NDUFB8: variants seen among roughly 807,000 people sequenced by gnomAD.
NDUFB8 encodes NADH:ubiquinone oxidoreductase subunit B8.
Under a neutral mutation model 26.0 loss-of-function variants are expected in NDUFB8, and 17 were observed. That is an observed-to-expected ratio of 0.65 (90% CI 0.45 to 0.98). The LOEUF is 0.98. NDUFB8 is among the 50% of genes least tolerant of loss of function. The probability of loss-of-function intolerance (pLI) is 0.00; values close to 1 mark genes in which losing one functional copy is unlikely to be tolerated. For synonymous variants in NDUFB8, 89 were observed against 93.1 expected, an observed-to-expected ratio of 0.96 and a Z score of 0.25; for missense variants, 238 against 255.0, an observed-to-expected ratio of 0.93 and a Z score of 0.45.
Position 100,523,800 on chromosome 10 carries a change from G to A in NDUFB8, c.*37C>T. 3 of 1,548,280 alleles carry A rather than the reference G, an allele frequency of 1.9e-6. No homozygotes were observed. The highest frequency in any genetic ancestry group is 2.7e-6 in the Non-Finnish European group (3 of 1,121,314). On this transcript the variant is annotated 3_prime_UTR_variant, in exon 5 of 5. Coordinates refer to ENST00000299166, the MANE Select transcript of NDUFB8 (RefSeq NM_005004.4). ...AGGTTAAATTTCTAGGAATGAGGGA[G>A]TCCTAGTTAGAGGACCCAAAAGCCC...
At position 100,526,478 on chromosome 10, in the gene NDUFB8, C is replaced by T. The variant is rs1257131806; in HGVS notation, c.389G>A (p.Cys130Tyr). Residue 130 changes from cysteine (C) to tyrosine (Y), a missense_variant, in exon 4 of 5, where the codon TGT (cysteine) becomes TAT (tyrosine). Cys to Tyr is a radical substitution (Grantham distance 194, BLOSUM62 -2). Coordinates refer to ENST00000299166, the MANE Select transcript of NDUFB8 (RefSeq NM_005004.4). ...SPTPVSWHVM[C>Y]MQLFGFLAFM... The stretch of plus-strand genomic sequence containing the variant: ...AGCCAGGAAACCGAAGAGCTGCATA[C>T]ACATGACATGCCAAGAAACAGGTGT... 3 of 1,613,064 alleles carry T rather than the reference C, an allele frequency of 1.9e-6. No homozygotes were observed. The highest frequency in any genetic ancestry group is 1.7e-5 in the Admixed American group (1 of 59,654).
At chr10:100,526,136 G>T in intron 4 of NDUFB8, 1 of 342,660 alleles carries the variant, frequency 2.9e-6, no homozygotes, top group East Asian at 5.3e-5. Flanking sequence ...TGGCAACTCT[G>T]GTGACTAGCT....
intron 3 of NDUFB8, 76 bp downstream of exon 3, chr10:100,526,899 G>T: frequency 7.2e-7 from 1 of 1,395,972 alleles, no homozygotes; most frequent in Non-Finnish European, 1.0e-6. Flanking sequence ...CTTGGTCAAA[G>T]AAGTGCCATC....
At position 100,523,913 on chromosome 10, in the gene NDUFB8, G is replaced by A. The variant is rs767181095; in HGVS notation, c.485C>T (p.Pro162Leu). 20 of 1,613,990 alleles carry A rather than the reference G, an allele frequency of 1.2e-5. No homozygotes were observed. The highest frequency in any genetic ancestry group is 3.3e-5 in the Admixed American group (2 of 59,996). Residue 162 changes from proline to leucine, a missense_variant, in exon 5 of 5, where the codon CCT becomes CTT. Pro to Leu is a moderately conservative substitution (Grantham distance 98). Coordinates refer to ENST00000299166, the MANE Select transcript of NDUFB8 (RefSeq NM_005004.4). Reference protein sequence around the residue: ...VYQPVGPKQYPYNNLYLERGG... With the variant: ...VYQPVGPKQYLYNNLYLERGG... Reference sequence around the variant, plus strand: ...TCGTTCCAGGTACAGATTATTGTAAGGATACTGCTTTGGTCCCTACAGAAA... The same window carrying A: ...TCGTTCCAGGTACAGATTATTGTAAAGATACTGCTTTGGTCCCTACAGAAA...
Position 100,524,210 on chromosome 10 carries a change from G to T in NDUFB8, c.469-281C>A. ...GGAGGGGAAGGGAGGAAGACAGGGA[G>T]GGAGGTAAAGAAAGAGAGAAGAGTG... On this transcript the variant is annotated intron_variant, in intron 4 of 4. Transcript: ENST00000299166. The surrounding 1 kb of genome is among the most constrained non-coding windows in gnomAD (Gnocchi z 4.0). 1 of 1,340,244 alleles carries T rather than the reference G, an allele frequency of 7.5e-7. No individual in the cohort carries two copies. The highest frequency in any genetic ancestry group is 1.0e-6 in the Non-Finnish European group (1 of 955,592). 83.0% of individuals were successfully genotyped at this position (1,340,244 alleles called of 1,614,324 possible).
rs757380757 is a variant in NDUFB8 at position 100,529,501 on chromosome 10, G to A, written c.91C>T (p.His31Tyr). 1.9e-6 allele frequency: 3 copies of A among 1,611,660 alleles called. No homozygotes were observed. The African/African-American group carries it at 4.0e-5, about 22-fold the overall frequency. The change falls in exon 2 of 5, where the codon CAC becomes TAC. Residue 31 changes from histidine (H) to tyrosine (Y), a missense_variant. Physicochemically the swap from His to Tyr is moderately conservative, Grantham distance 83. Coordinates refer to ENST00000299166, the MANE Select transcript of NDUFB8 (RefSeq NM_005004.4). ...VMPLGARTAS[H>Y]MTKDMFPGPY... ...CCCGGGAACATGTCCTTGGTCATGT[G>A]GGAGGCTAGAACGCAGAAGAGAACA...
chr10:100,527,776 A>G lies in NDUFB8; in HGVS notation c.213-702T>C, dbSNP rs188791792. 1.3e-3 allele frequency among the ~76,000 whole-genome samples: 197 copies of G among 152,332 alleles called. 1 individual carries two copies. Among genetic ancestry groups the G allele is most frequent in the Non-Finnish European group, 4.6e-4 (31 of 68,036 alleles). ...GGACAACATACACGAAGGGGGTCCC[A>G]TAAGTTTATAATAAAGCTGCCCTAT... On this transcript the variant is annotated intron_variant, in intron 2 of 4. Transcript: ENST00000299166.
Position 100,523,861 on chromosome 10 carries a change from C to T in NDUFB8, c.537G>A (p.Glu179=). The T allele has an allele frequency of 6.2e-7, 1 of 1,614,174 alleles. No individual in the cohort carries two copies. The highest frequency in any genetic ancestry group is 1.3e-5 in the African/African-American group (1 of 75,032). The change falls in exon 5 of 5, where the codon GAG becomes GAA. Residue 179 remains glutamate, a synonymous_variant. Transcript: ENST00000299166. ...CTCAGATCTCATAGTGAACCACCCG[C>T]TCTGGTTCTTTGGAGGGATCACCGC... ...ERGGDPSKEP[E]RVVHYEI
At chr10:100,529,628 C>T in intron 1 of NDUFB8, 122 bp from the exon 2 acceptor site, 1 of 1,547,682 alleles carries the variant, frequency 6.5e-7, no homozygotes, top group South Asian at 1.1e-5. Flanking sequence ...CGATCCTCCA[C>T]CCCATTTTCT....
At position 100,524,549 on chromosome 10, in the gene NDUFB8, T is replaced by C. The variant is rs568279372; in HGVS notation, c.469-620A>G. ...GGAAGAGCCACACTGTTCCTTGCTC[T>C]CCTGAAGTGAAGTTAGTGCTCACCC... On this transcript the variant is annotated intron_variant, in intron 4 of 4. Transcript: ENST00000299166. This position sits in a 1 kb window ranked among gnomAD's most constrained non-coding sequence, Gnocchi z 4.0. Among the ~76,000 whole-genome samples, 3 of 152,318 alleles carry C rather than the reference T, an allele frequency of 2.0e-5. No homozygotes were observed. The highest frequency in any genetic ancestry group is 7.2e-5 in the African/African-American group (3 of 41,582).
chr10:100,526,204 G>T, intron 4 of NDUFB8, 195 bp downstream of exon 4: 1 of 536,946 alleles, frequency 1.9e-6, no homozygotes. Flanking sequence ...ACCCAGACTG[G>T]TCCAAGAAGT....
intron 2 of NDUFB8, among the ~76,000 whole-genome samples, chr10:100,528,213 G>C (rs1172298705): frequency 6.6e-6 from 1 of 152,154 alleles, no homozygotes; most frequent in Non-Finnish European, 1.5e-5. Context: ...ATTAAGTATA[G>C]CAATATGCTG....
intron 1 of NDUFB8, 26 bp from the exon 2 acceptor site, chr10:100,529,532 G>A (rs372493657): frequency 3.1e-6 from 5 of 1,606,472 alleles, no homozygotes; most frequent in Non-Finnish European, 4.2e-6. Context: ...GAACAGGTCA[G>A]AAGCGAGCCC....
rs139827718 is a variant in NDUFB8 at position 100,529,830 on chromosome 10, C to G, written c.22G>C (p.Val8Leu). Reference sequence around the variant, plus strand: ...CTTTGCAGCCACTGGACTCCCAAGACCCCGGCCCTGGCCACCGCCATCTTC... The same window carrying G: ...CTTTGCAGCCACTGGACTCCCAAGAGCCCGGCCCTGGCCACCGCCATCTTC... MAVARAG[V>L]LGVQWLQRAS... is the part of the protein sequence containing the mutation. The change falls in exon 1 of 5, where the codon GTC (valine) becomes CTC (leucine). Residue 8 changes from valine (V) to leucine (L), a missense_variant. By Grantham distance (32) the Val-to-Leu change is conservative. Transcript: ENST00000299166. 124 of 1,610,432 alleles carry G rather than the reference C, an allele frequency of 7.7e-5. No individual in the cohort carries two copies. In the African/African-American group the frequency reaches 1.6e-3, roughly 21 times the overall value.
At chr10:100,528,735 G>A (rs1485139482) in intron 2 of NDUFB8, among the ~76,000 whole-genome samples, 1 of 152,192 alleles carries the variant, frequency 6.6e-6, no homozygotes, top group African/African-American at 2.4e-5. Context: ...AGAAGTTGCT[G>A]AAACCAAGAT....
At chr10:100,527,105 C>T in intron 2 of NDUFB8, 31 bp from the exon 3 acceptor site, 1 of 1,569,200 alleles carries the variant, frequency 6.4e-7, no homozygotes. Flanking sequence ...CTGGAAAGGG[C>T]TGTGAGCAGC....
chr10:100,529,333 C>T, intron 2 of NDUFB8, 47 bp downstream of exon 2: 1 of 1,523,852 alleles, frequency 6.6e-7, no homozygotes, highest in Admixed American at 2.3e-5. Context: ...ACCCAGCCGG[C>T]CTTCTCCCAT....
chr10:100,525,613 AGCGTGTGTGTGTGTGT>A, intron 4 of NDUFB8, among the ~76,000 whole-genome samples: 1 of 116,856 alleles, frequency 8.6e-6, no homozygotes, highest in East Asian at 2.5e-4. Flanking sequence ...CACCACCCAA[AGCGTGTGTGTGTGTGT>A]GTGTGTGTGT....
intron 2 of NDUFB8, chr10:100,529,165 A>C: frequency 2.1e-5 from 8 of 374,114 alleles, no homozygotes; most frequent in East Asian, 6.1e-5. Context: ...TCCTCATTTG[A>C]GGAAACAGCC....
Sources: allele counts gnomAD v4.1 joint callset (sites outside exome capture counted in the v4.1 genomes callset), GRCh38; gene constraint gnomAD v4.1.1; non-coding constraint Gnocchi (gnomAD v3.1); transcripts MANE v1.5; gene names NCBI Gene and HGNC (gene_info 2026-07-23, HGNC 2026-07-21).